The following HPCAL1 variants were observed in gnomAD, a reference collection of about 807,000 sequenced individuals.
The protein encoded by HPCAL1 is hippocalcin like 1.
HPCAL1 carries 8 observed loss-of-function variants against 17.1 expected under a neutral mutation model. That is an observed-to-expected ratio of 0.47 (90% CI 0.27 to 0.84). The LOEUF is 0.84. Among genes scored for constraint, HPCAL1 ranks in the 40% least tolerant of loss-of-function variants. The pLI, the probability that HPCAL1 is intolerant of heterozygous loss-of-function variation, is 0.13. For synonymous variants in HPCAL1, 112 were observed against 111.4 expected, an observed-to-expected ratio of 1.01 and a Z score of -0.03; for missense variants, 165 against 271.1, an observed-to-expected ratio of 0.61 and a Z score of 2.75.
chr2:10,337,683 T>A (rs973432636), intron 1 of HPCAL1, among the ~76,000 whole-genome samples: 17 of 152,146 alleles, frequency 1.1e-4, no homozygotes, highest in African/African-American at 3.9e-4. Context: ...CCCTGCTCTG[T>A]TCTGGGCTCT....
chr2:10,332,634 C>T (rs1229485634), intron 1 of HPCAL1, among the ~76,000 whole-genome samples: 4 of 152,146 alleles, frequency 2.6e-5, no homozygotes, highest in Non-Finnish European at 5.9e-5. Context: ...AAAATGCAGT[C>T]GGGGTTGACC....
At chr2:10,379,057 G>T (rs1027961233) in intron 1 of HPCAL1, among the ~76,000 whole-genome samples, 2 of 152,056 alleles carry the variant, frequency 1.3e-5, no homozygotes, top group African/African-American at 4.8e-5. Context: ...GTCGGGTGCG[G>T]TCGCTCCTAC....
intron 1 of HPCAL1, among the ~76,000 whole-genome samples, chr2:10,333,817 C>T (rs988569724): frequency 6.6e-6 from 1 of 152,110 alleles, no homozygotes; most frequent in African/African-American, 2.4e-5. Flanking sequence ...CAGAAGTGTG[C>T]ATAAAGTCTA....
rs34600690 is a variant in HPCAL1, at chr2:10,355,450, C to CAAAA, written c.-110-41356_-110-41353dup. On this transcript the variant is annotated intron_variant, in intron 1 of 4. Transcript: ENST00000307845. ...TGGGCGACAGAGCGAGACTCCGTCTCAAAAAAAAAAAAAAAAAAAAAAAAA... is the reference window on the plus strand; with the variant it reads ...TGGGCGACAGAGCGAGACTCCGTCTCAAAAAAAAAAAAAAAAAAAAAAAAAAAAA... Among the ~76,000 whole-genome samples, 285 of 32,230 alleles carry CAAAA rather than the reference C, an allele frequency of 8.8e-3. 20 individuals carry two copies. The highest frequency in any genetic ancestry group is 0.018 in the African/African-American group (127 of 7,000). 21.1% of individuals were successfully genotyped at this position (32,230 alleles called of 152,430 possible).
chr2:10,398,313 C>A (rs1206770185), intron 2 of HPCAL1, among the ~76,000 whole-genome samples: 1 of 152,246 alleles, frequency 6.6e-6, no homozygotes, highest in East Asian at 1.9e-4. Context: ...AGTCCTCATA[C>A]AAAGTCGCTT....
intron 1 of HPCAL1, among the ~76,000 whole-genome samples, chr2:10,317,973 A>G (rs1481808405): frequency 6.6e-6 from 1 of 152,246 alleles, no homozygotes; most frequent in East Asian, 1.9e-4. Context: ...TGTTGGATGG[A>G]CAATAACATC....
In HPCAL1 at chr2:10,422,898, T is replaced by C. The variant is rs1362671382; in HGVS notation, c.379-85T>C. ...GAGCCCCTGACCTCTCCGAGCCTTGTTGTGGGCTGGGCGGAAGCCCACCCT... is the reference window on the plus strand; with the variant it reads ...GAGCCCCTGACCTCTCCGAGCCTTGCTGTGGGCTGGGCGGAAGCCCACCCT... On this transcript the variant is annotated intron_variant, in intron 3 of 4. Transcript: ENST00000307845. The C allele has an allele frequency of 6.5e-6, 6 of 929,494 alleles. No homozygotes were observed. The African/African-American group carries it at 9.8e-5, about 15-fold the overall frequency. The allele number at this position is 929,494 out of a possible 1,614,324, so 57.6% of individuals were successfully genotyped here. A position where few individuals can be genotyped will look rare whatever the true frequency, so the allele number is the denominator to read the frequency against.
At chr2:10,334,749 G>A (rs750930301) in intron 1 of HPCAL1, among the ~76,000 whole-genome samples, 3 of 147,354 alleles carry the variant, frequency 2.0e-5, no homozygotes, top group South Asian at 2.1e-4. Flanking sequence ...GCAGTGGCAC[G>A]ATCTCGGCTC....
At chr2:10,357,103 ACT>A (rs1666204205) in intron 1 of HPCAL1, among the ~76,000 whole-genome samples, 1 of 151,566 alleles carries the variant, frequency 6.6e-6, no homozygotes, top group Non-Finnish European at 1.5e-5. Flanking sequence ...ACACAGCGAG[ACT>A]CTGTGTCTAA....
In HPCAL1 at chr2:10,396,892, A is replaced by G. The variant is rs2270302; in HGVS notation, c.-53A>G. The G allele has an allele frequency of 0.47, 70,821 of 151,752 alleles. 16,780 individuals are homozygous for G. The highest frequency in any genetic ancestry group is 0.61 in the South Asian group (2,944 of 4,812). The allele number at this position is 151,752 out of a possible 1,614,324, so 9.4% of individuals were successfully genotyped here. A position where few individuals can be genotyped will look rare whatever the true frequency, so the allele number is the denominator to read the frequency against. ...AAACACTCCCTGGAGGTTCTGACCC[A>G]CTCCCTCTCAGCCTCCGCCTGGTCT... On this transcript the variant is annotated 5_prime_UTR_variant, in exon 2 of 5. Transcript: ENST00000307845.
intron 1 of HPCAL1, among the ~76,000 whole-genome samples, chr2:10,329,066 G>A (rs1458836956): frequency 3.3e-5 from 5 of 152,094 alleles, no homozygotes; most frequent in Non-Finnish European, 5.9e-5. Flanking sequence ...CTGGGTTCAA[G>A]TGTCCTCCTG....
chr2:10,399,558 ACCGCCACCGCCACCACC>A, intron 2 of HPCAL1, among the ~76,000 whole-genome samples: 1 of 35,298 alleles, frequency 2.8e-5, no homozygotes, highest in African/African-American at 1.8e-4. Context: ...CGCCACCACT[ACCGCCACCGCCACCACC>A]ACCGCCACCG....
chr2:10,416,474 A>G (rs1028606832), intron 2 of HPCAL1, among the ~76,000 whole-genome samples: 2 of 152,202 alleles, frequency 1.3e-5, no homozygotes, highest in African/African-American at 4.8e-5. Flanking sequence ...GAGGGAGCCC[A>G]CATCTCCAAG....
Position 10,365,640 on chromosome 2 carries a change from C to T in HPCAL1, c.-110-31195C>T, listed in dbSNP as rs1486237998. ...ACACCTCCCTCCCCCTTAGCTGCTTCGAAGCCAAAGGTGTGGCAACAGCTA... is the reference window on the plus strand; with the variant it reads ...ACACCTCCCTCCCCCTTAGCTGCTTTGAAGCCAAAGGTGTGGCAACAGCTA... On this transcript the variant is annotated intron_variant, in intron 1 of 4. Coordinates refer to ENST00000307845, the MANE Select transcript of HPCAL1 (RefSeq NM_002149.4). This position sits in a 1 kb window ranked among gnomAD's most constrained non-coding sequence, Gnocchi z 4.8. 6.6e-6 allele frequency among the ~76,000 whole-genome samples: 1 copy of T among 152,100 alleles called. No individual in the cohort carries two copies. Among genetic ancestry groups the T allele is most frequent in the African/African-American group, 2.4e-5 (1 of 41,402 alleles).
intron 1 of HPCAL1, among the ~76,000 whole-genome samples, chr2:10,391,155 G>A (rs1317765564): frequency 2.6e-5 from 4 of 152,214 alleles, no homozygotes; most frequent in African/African-American, 9.6e-5. Flanking sequence ...GCCTGCTGGG[G>A]AGTTCTCCAA....
At chr2:10,426,331 G>C (rs550416222) in intron 4 of HPCAL1, 1 of 198,926 alleles carries the variant, frequency 5.0e-6, no homozygotes, top group African/African-American at 2.3e-5. Context: ...GTGCTTCCGG[G>C]GGCCCCCAAC....
chr2:10,346,594 T>C (rs1251030908), intron 1 of HPCAL1, among the ~76,000 whole-genome samples: 1 of 152,196 alleles, frequency 6.6e-6, no homozygotes, highest in Non-Finnish European at 1.5e-5. Flanking sequence ...CACTGTCCAG[T>C]TGACATAACC....
chr2:10,367,093 G>A lies in HPCAL1; in HGVS notation c.-110-29742G>A, dbSNP rs1294318870. The stretch of plus-strand genomic sequence containing the variant: ...CCCTCCAGATGGCCCAAGAGAGACC[G>A]GGAGGAGCATCTGGTGGAGGACCTG... On this transcript the variant is annotated intron_variant, in intron 1 of 4. Transcript: ENST00000307845. The surrounding 1 kb of genome is among the most constrained non-coding windows in gnomAD (Gnocchi z 4.4). Among the ~76,000 whole-genome samples, 1 of 152,014 alleles carries A rather than the reference G, an allele frequency of 6.6e-6. No homozygotes were observed. The highest frequency in any genetic ancestry group is 1.5e-5 in the Non-Finnish European group (1 of 68,008).
chr2:10,316,712 T>G (rs146558850), intron 1 of HPCAL1, among the ~76,000 whole-genome samples: 2 of 152,338 alleles, frequency 1.3e-5, no homozygotes, highest in East Asian at 3.9e-4. Context: ...GGGGCCGGGC[T>G]GCCTCCCCAG....
Sources: allele counts gnomAD v4.1 joint callset (sites outside exome capture counted in the v4.1 genomes callset), GRCh38; gene constraint gnomAD v4.1.1; non-coding constraint Gnocchi (gnomAD v3.1); transcripts MANE v1.5; gene names NCBI Gene and HGNC (gene_info 2026-07-23, HGNC 2026-07-21).